Variants in EPHB2 observed in about 807,000 individuals in gnomAD.
EPHB2 encodes ephrin type-B receptor 2.
A neutral mutation model predicts 96.4 loss-of-function variants in EPHB2; 18 were observed. The ratio of observed to expected loss-of-function variants is 0.19; its 90% CI spans 0.13 to 0.28. EPHB2 has a LOEUF of 0.28. EPHB2 is among the 10% of genes least tolerant of loss of function. EPHB2 has a pLI of 1.00. For synonymous variants in EPHB2, 506 were observed against 534.1 expected (o/e 0.95, Z 0.72); for missense variants, 989 against 1,355.4 (o/e 0.73, Z 4.25).
At chr1:22,758,015 T>C (rs1226290405) in intron 1 of EPHB2, among the ~76,000 whole-genome samples, 1 of 140,414 alleles carries the variant, frequency 7.1e-6, no homozygotes, top group Non-Finnish European at 1.5e-5. Context: ...GCCTCCCGGG[T>C]TCACGCCATT....
chr1:22,745,964 C>T (rs552267621), intron 1 of EPHB2, among the ~76,000 whole-genome samples: 11 of 152,282 alleles, frequency 7.2e-5, no homozygotes, highest in East Asian at 3.9e-4. Flanking sequence ...ACAGTGGGGA[C>T]GCAGCAGGAT....
chr1:22,911,138 CTAAAAAAATAAATAAA>C (rs944010827), intron 14 of EPHB2, among the ~76,000 whole-genome samples: 4 of 52,390 alleles, frequency 7.6e-5, no homozygotes, highest in African/African-American at 2.3e-4. Flanking sequence ...GAAACTCCAT[CTAAAAAAATAAATAAA>C]TAAATAAATA....
At chr1:22,781,038 T>C (rs1054832938) in intron 1 of EPHB2, among the ~76,000 whole-genome samples, 1 of 150,858 alleles carries the variant, frequency 6.6e-6, no homozygotes, top group Admixed American at 6.6e-5. Flanking sequence ...CGTGAGGGTC[T>C]GGCCGGGCAC....
chr1:22,820,233 C>T (rs2148473272), intron 3 of EPHB2, among the ~76,000 whole-genome samples: 1 of 152,194 alleles, frequency 6.6e-6, no homozygotes. Context: ...CCCATTCTTA[C>T]ATGTGTCATC....
chr1:22,784,791 C>A lies in EPHB2; in HGVS notation c.526C>A (p.Leu176Met). 5 of 1,605,322 alleles carry A rather than the reference C, an allele frequency of 3.1e-6. No homozygotes were observed. Among genetic ancestry groups the A allele is most frequent in the Non-Finnish European group, 4.3e-6 (5 of 1,174,110 alleles). ...ACCTGTGTCCCGCAGCGGCTTCTAC[C>A]TGGCCTTCCAGGACTATGGCGGCTG... Reference protein sequence around the residue: ...FGPVSRSGFYLAFQDYGGCMS... With the variant: ...FGPVSRSGFYMAFQDYGGCMS... The change falls in exon 3 of 16, where the codon CTG (leucine) becomes ATG (methionine). Residue 176 changes from leucine (L) to methionine (M), a missense_variant. Transcript: ENST00000374630. This position sits in a 1 kb window ranked among gnomAD's most constrained non-coding sequence, Gnocchi z 5.1.
intron 5 of EPHB2, among the ~76,000 whole-genome samples, chr1:22,870,239 C>T (rs1400275122): frequency 6.6e-6 from 1 of 152,228 alleles, no homozygotes; most frequent in African/African-American, 2.4e-5. Flanking sequence ...TTCATCCAGC[C>T]ATCATGCCGC....
rs549755554 is a variant in EPHB2, at chr1:22,760,985, G to A, written c.62-20436G>A. On this transcript the variant is annotated intron_variant, in intron 1 of 15. Coordinates refer to ENST00000374630, the MANE Select transcript of EPHB2 (RefSeq NM_017449.5). ...GCCACACAGCCCATCCCAATGTTGA[G>A]CCAGGTGATGCCAGCTGTCTCCAGA... is the stretch of plus-strand genomic sequence containing the variant. 7.2e-4 allele frequency among the ~76,000 whole-genome samples: 110 copies of A among 152,300 alleles called. 2 individuals are homozygous for A. The South Asian group carries it at 0.022, about 31-fold the overall frequency.
chr1:22,725,122 C>G (rs1570156079), intron 1 of EPHB2, among the ~76,000 whole-genome samples: 1 of 152,158 alleles, frequency 6.6e-6, no homozygotes, highest in Admixed American at 6.5e-5. Context: ...GTATAGGTTT[C>G]TCCCCCACCA....
At chr1:22,895,975 G>C (rs367955393) in intron 8 of EPHB2, among the ~76,000 whole-genome samples, 27 of 152,218 alleles carry the variant, frequency 1.8e-4, no homozygotes, top group African/African-American at 5.1e-4. Flanking sequence ...GGAGGAGGAG[G>C]GGGGAGGGAC....
Position 22,784,487 on chromosome 1 carries a change from G to A in EPHB2, c.222G>A (p.Arg74=). ...VFESSQNNWL[R]TKFIRRRGAH... ...AGTCAAGCCAGAACAACTGGCTACG[G>A]ACCAAGTTTATCCGGCGCCGTGGCG... The change falls in exon 3 of 16, where the codon CGG becomes CGA. Residue 74 remains arginine, a synonymous_variant. Transcript: ENST00000374630. The surrounding 1 kb of genome is among the most constrained non-coding windows in gnomAD (Gnocchi z 5.1). The A allele has an allele frequency of 1.9e-6, 3 of 1,614,014 alleles. No individual in the cohort carries two copies. Among genetic ancestry groups the A allele is most frequent in the Non-Finnish European group, 2.5e-6 (3 of 1,179,858 alleles).
intron 3 of EPHB2, among the ~76,000 whole-genome samples, chr1:22,841,374 T>G (rs1199770976): frequency 2.0e-5 from 3 of 152,170 alleles, no homozygotes; most frequent in African/African-American, 7.2e-5. Flanking sequence ...TGCTGTCGTT[T>G]AAGTCCTTGT....
intron 7 of EPHB2, among the ~76,000 whole-genome samples, chr1:22,894,597 CAA>C (rs569570637): frequency 2.6e-4 from 33 of 125,924 alleles, no homozygotes; most frequent in Non-Finnish European, 2.5e-4. Flanking sequence ...ACTCCCACTC[CAA>C]AAAAAAAAAA....
Position 22,906,062 on chromosome 1 carries a change from A to T in EPHB2, c.1841A>T (p.Lys614Met). The T allele has an allele frequency of 1.2e-6, 2 of 1,614,236 alleles. No homozygotes were observed. The highest frequency in any genetic ancestry group is 2.2e-5 in the South Asian group (2 of 91,086). The change falls in exon 10 of 16, where the codon AAG (lysine) becomes ATG (methionine). Residue 614 changes from lysine (K) to methionine (M), a missense_variant. Lys to Met is a moderately conservative substitution (Grantham distance 95). Transcript: ENST00000374630. The surrounding 1 kb of genome is among the most constrained non-coding windows in gnomAD (Gnocchi z 4.8). ...AACGAGGCAGTGCGGGAGTTTGCCA[A>T]GGAAATTGACATCTCCTGTGTCAAA... is the stretch of plus-strand genomic sequence containing the variant. ...DPNEAVREFA[K>M]EIDISCVKIE...
rs934809921 is a variant in EPHB2, at chr1:22,882,371, T to C, written c.1316T>C (p.Val439Ala). The C allele has an allele frequency of 6.2e-7, 1 of 1,613,950 alleles. No individual in the cohort carries two copies. The highest frequency in any genetic ancestry group is 8.5e-7 in the Non-Finnish European group (1 of 1,179,994). Residue 439 changes from valine to alanine, a missense_variant, in exon 6 of 16, where the codon GTG becomes GCG. Val to Ala is a moderately conservative substitution (Grantham distance 64). Coordinates refer to ENST00000374630, the MANE Select transcript of EPHB2 (RefSeq NM_017449.5). The part of the protein sequence containing the change: ...ITTNQAAPSA[V>A]SIMHQVSRTV... ...GCCTCTCTTCCAGCTCCATCGGCAG[T>C]GTCCATCATGCATCAGGTGAGCCGC...
chr1:22,776,257 A>G (rs1644451015), intron 1 of EPHB2, among the ~76,000 whole-genome samples: 1 of 149,816 alleles, frequency 6.7e-6, no homozygotes, highest in Non-Finnish European at 1.5e-5. Flanking sequence ...TGCCCCTCCC[A>G]CTCCACATCA....
At chr1:22,885,217 C>G (rs1446942723) in intron 6 of EPHB2, among the ~76,000 whole-genome samples, 1 of 116,040 alleles carries the variant, frequency 8.6e-6, no homozygotes, top group African/African-American at 3.2e-5. Context: ...CTCAGAACCC[C>G]AAAAGGCAAA....
intron 3 of EPHB2, among the ~76,000 whole-genome samples, chr1:22,852,928 A>G (rs1054857959): frequency 1.8e-4 from 28 of 152,198 alleles, no homozygotes; most frequent in African/African-American, 6.5e-4. Flanking sequence ...ATGTTAATCA[A>G]ATGCCAGGGA....
chr1:22,857,929 A>C (rs981647892), intron 3 of EPHB2, among the ~76,000 whole-genome samples: 16 of 152,344 alleles, frequency 1.1e-4, no homozygotes, highest in African/African-American at 3.4e-4. Context: ...CTTTCAGTGC[A>C]TGAAAAAACA....
chr1:22,736,574 G>A lies in EPHB2; in HGVS notation c.61+25531G>A, dbSNP rs531867692. Among the ~76,000 whole-genome samples the A allele has an allele frequency of 2.6e-5, 4 of 152,284 alleles. No homozygotes were observed. The South Asian group carries it at 6.2e-4, about 24-fold the overall frequency. ...AGCCTCGGTGGGGCCTGCAGGCCGCGGTCTGGTTCCCAGAGGCCCTGGAGG... is the reference window on the plus strand; with the variant it reads ...AGCCTCGGTGGGGCCTGCAGGCCGCAGTCTGGTTCCCAGAGGCCCTGGAGG... On this transcript the variant is annotated intron_variant, in intron 1 of 15. Transcript: ENST00000374630.
Sources: gnomAD v4.1 joint callset for allele counts (sites outside exome capture counted in the v4.1 genomes callset) on GRCh38, gnomAD v4.1.1 for gene constraint, Gnocchi (gnomAD v3.1) non-coding constraint, MANE v1.5 for transcripts, NCBI Gene and HGNC (gene_info 2026-07-23, HGNC 2026-07-21) for gene names.